CWC25: variants seen among roughly 807,000 people sequenced by gnomAD.
CWC25 encodes pre-mRNA-splicing factor CWC25 homolog.
Under a neutral mutation model 54.6 loss-of-function variants are expected in CWC25, and 31 were observed. The ratio of observed to expected loss-of-function variants is 0.57; its 90% CI spans 0.43 to 0.77. The LOEUF (loss-of-function observed/expected upper bound fraction) is 0.77. CWC25 is among the 30% of genes least tolerant of loss of function. CWC25 has a pLI of 0.00. For synonymous variants in CWC25, 151 were observed against 187.0 expected (o/e 0.81, Z 1.57); for missense variants, 453 against 529.3 (o/e 0.86, Z 1.41).
At chr17:38,817,897 T>C (rs1346979289) in intron 2 of CWC25, among the ~76,000 whole-genome samples, 3 of 137,550 alleles carry the variant, frequency 2.2e-5, no homozygotes, top group South Asian at 2.3e-4. Context: ...ACCTGGGAGG[T>C]GGAGGCTGCA....
chr17:38,803,884 A>T (rs1911125724), intron 8 of CWC25, among the ~76,000 whole-genome samples: 1 of 151,994 alleles, frequency 6.6e-6, no homozygotes, highest in Non-Finnish European at 1.5e-5. Flanking sequence ...TGCAAAAAAA[A>T]AATTTTTTTT....
chr17:38,806,590 C>T (rs1019168841), intron 7 of CWC25, 175 bp downstream of exon 7: 2 of 733,922 alleles, frequency 2.7e-6, no homozygotes, highest in African/African-American at 1.8e-5. Context: ...AGATATGTGG[C>T]TTTGGATGCC....
Position 38,809,686 on chromosome 17 carries a change from A to T in CWC25, c.690+16T>A, listed in dbSNP as rs777586339. 6.2e-7 allele frequency: 1 copy of T among 1,612,870 alleles called. No homozygotes were observed. Among genetic ancestry groups the T allele is most frequent in the Admixed American group, 1.7e-5 (1 of 59,776 alleles). On this transcript the variant is annotated intron_variant, in intron 6 of 9. Transcript: ENST00000614790. ...CAGTCCCACAGTCACTCCTTTCAAG[A>T]AGCCCACATCCCTACCTGTAAGCCA...
At chr17:38,817,333 C>T (rs1567674734) in intron 2 of CWC25, among the ~76,000 whole-genome samples, 2 of 149,016 alleles carry the variant, frequency 1.3e-5, no homozygotes, top group South Asian at 2.1e-4. Context: ...GTGCGAGACT[C>T]GGTCTCAAAA....
chr17:38,809,199 G>A (rs957030722), intron 6 of CWC25, among the ~76,000 whole-genome samples: 9 of 151,660 alleles, frequency 5.9e-5, no homozygotes, highest in South Asian at 2.1e-4. Context: ...AGGCCGAGGC[G>A]GAGGGATCAC....
intron 6 of CWC25, among the ~76,000 whole-genome samples, chr17:38,809,099 A>G (rs1246393823): frequency 6.6e-6 from 1 of 150,732 alleles, no homozygotes; most frequent in Admixed American, 6.6e-5. Context: ...AAAAAAAAAG[A>G]ACCCAGCAGA....
At chr17:38,807,383 C>CTGAG (rs1911298680) in intron 6 of CWC25, among the ~76,000 whole-genome samples, 1 of 137,600 alleles carries the variant, frequency 7.3e-6, no homozygotes, top group African/African-American at 2.6e-5. Context: ...AAGGAGCTCA[C>CTGAG]TGAGCACACC....
chr17:38,823,874 G>A (rs574733861), intron 1 of CWC25, among the ~76,000 whole-genome samples: 1 of 152,300 alleles, frequency 6.6e-6, no homozygotes, highest in East Asian at 1.9e-4. Context: ...AGTGGCTAGA[G>A]GCCAGTGATG....
intron 1 of CWC25, 128 bp from the exon 2 acceptor site, chr17:38,821,201 G>C: frequency 1.2e-6 from 1 of 822,718 alleles, no homozygotes. Context: ...TTCAACAATG[G>C]CAAGGTTTTC....
At chr17:38,822,707 A>T (rs1387763115) in intron 1 of CWC25, among the ~76,000 whole-genome samples, 1 of 152,170 alleles carries the variant, frequency 6.6e-6, no homozygotes, top group Non-Finnish European at 1.5e-5. Flanking sequence ...GTGAGAAAGA[A>T]CATAGCAATA....
intron 2 of CWC25, among the ~76,000 whole-genome samples, chr17:38,820,476 C>G (rs11870177): frequency 0.043 from 6,482 of 152,068 alleles, 257 homozygotes; most frequent in African/African-American, 0.11. Flanking sequence ...TCTCATGGGA[C>G]CTCACTCCCT....
rs536050893 is a variant in CWC25 at position 38,816,412 on chromosome 17, A to AT, written c.192-1316dup. Among the ~76,000 whole-genome samples, 10 of 151,380 alleles carry AT rather than the reference A, an allele frequency of 6.6e-5. No individual in the cohort carries two copies. In the South Asian group the frequency reaches 2.1e-3, roughly 32 times the overall value. ...AGGGATGCACCACCATGCCTTGCTG[A>AT]TTTTTTATTTTTTCAATTTTTAAAC... On this transcript the variant is annotated intron_variant, in intron 2 of 9. Transcript: ENST00000614790.
chr17:38,802,679 G>A (rs753430196), intron 9 of CWC25, 21 bp downstream of exon 9: 2 of 1,613,140 alleles, frequency 1.2e-6, no homozygotes, highest in Non-Finnish European at 1.7e-6. Context: ...AAAGACCCTG[G>A]CAGGAAGAAG....
At chr17:38,821,797 TA>T (rs1446733365) in intron 1 of CWC25, among the ~76,000 whole-genome samples, 9 of 140,192 alleles carry the variant, frequency 6.4e-5, no homozygotes, top group African/African-American at 2.3e-4. Context: ...TTTTTTTTTT[TA>T]AAGTCTTACT....
At chr17:38,817,564 G>A (rs1445974130) in intron 2 of CWC25, among the ~76,000 whole-genome samples, 5 of 151,486 alleles carry the variant, frequency 3.3e-5, no homozygotes, top group African/African-American at 1.2e-4. Context: ...AAAGATGGGC[G>A]GATCACAAGG....
intron 4 of CWC25, among the ~76,000 whole-genome samples, chr17:38,812,326 T>C (rs896449456): frequency 1.3e-5 from 2 of 152,140 alleles, no homozygotes; most frequent in African/African-American, 4.8e-5. Context: ...GCCCACACTC[T>C]TCTTCTGGAA....
chr17:38,824,955 G>A (rs1273289804), intron 1 of CWC25, among the ~76,000 whole-genome samples: 1 of 152,110 alleles, frequency 6.6e-6, no homozygotes, highest in African/African-American at 2.4e-5. Context: ...AACACCACCT[G>A]TCACTGTTCG....
At position 38,802,044 on chromosome 17, in the gene CWC25, C is replaced by CA; in HGVS notation, c.*47dup. On this transcript the variant is annotated 3_prime_UTR_variant, in exon 10 of 10. Transcript: ENST00000614790. ...CTTATAAAGAGAATTAAGGGGTCAG[C>CA]AGCTTCCCTGGAAAATGCAGGAAAA... 8.1e-7 allele frequency: 1 copy of CA among 1,227,334 alleles called. No homozygotes were observed. 76.0% of individuals were successfully genotyped at this position (1,227,334 alleles called of 1,614,324 possible).
chr17:38,809,640 T>C (rs1369043963), intron 6 of CWC25, 62 bp downstream of exon 6: 2 of 1,521,438 alleles, frequency 1.3e-6, no homozygotes, highest in South Asian at 1.1e-5. Context: ...GCTATCCACA[T>C]TGTCCAAGTG....
Sources: allele counts gnomAD v4.1 joint callset (sites outside exome capture counted in the v4.1 genomes callset), GRCh38; gene constraint gnomAD v4.1.1; transcripts MANE v1.5; gene names NCBI Gene and HGNC (gene_info 2026-07-23, HGNC 2026-07-21).